FOXP2: variants seen among roughly 807,000 people sequenced by gnomAD.
FOXP2 encodes forkhead box P2.
Under a neutral mutation model 115.8 loss-of-function variants are expected in FOXP2, and 12 were observed. That is an observed-to-expected ratio of 0.10 (90% CI 0.07 to 0.17). The LOEUF is 0.17. Among genes scored for constraint, FOXP2 ranks in the 10% least tolerant of loss-of-function variants. The pLI, the probability that FOXP2 is intolerant of heterozygous loss-of-function variation, is 1.00. For synonymous variants in FOXP2, 328 were observed against 297.7 expected, an observed-to-expected ratio of 1.10 and a Z score of -1.05; for missense variants, 629 against 843.5, an observed-to-expected ratio of 0.75 and a Z score of 3.15.
chr7:114,184,727 C>G (rs1004817079), intron 1 of FOXP2, among the ~76,000 whole-genome samples: 4 of 152,064 alleles, frequency 2.6e-5, no homozygotes, highest in African/African-American at 9.7e-5. Context: ...TATGAGGTCC[C>G]TGACTTTTGG....
intron 2 of FOXP2, among the ~76,000 whole-genome samples, chr7:114,521,339 G>A (rs1047321718): frequency 6.6e-6 from 1 of 151,742 alleles, no homozygotes; most frequent in African/African-American, 2.4e-5. Flanking sequence ...ATGCTTAAAA[G>A]GGAGATTAGA....
At chr7:114,597,273 C>T (rs141055885) in intron 3 of FOXP2, among the ~76,000 whole-genome samples, 2 of 152,148 alleles carry the variant, frequency 1.3e-5, no homozygotes, top group African/African-American at 2.4e-5. Flanking sequence ...ATATCTGTGC[C>T]TGAAACCCTC....
intron 2 of FOXP2, among the ~76,000 whole-genome samples, chr7:114,357,445 G>A (rs1242497448): frequency 6.6e-6 from 1 of 152,148 alleles, no homozygotes; most frequent in Non-Finnish European, 1.5e-5. Flanking sequence ...ATGTCATTGA[G>A]GATCTGTCCA....
At chr7:114,339,118 T>C (rs1167878689) in intron 2 of FOXP2, among the ~76,000 whole-genome samples, 1 of 151,186 alleles carries the variant, frequency 6.6e-6, no homozygotes, top group Admixed American at 6.6e-5. Context: ...GTTGAAATGT[T>C]AATTTTACTA....
chr7:114,396,941 A>G (rs1045086475), intron 2 of FOXP2, among the ~76,000 whole-genome samples: 19 of 152,296 alleles, frequency 1.2e-4, no homozygotes, highest in African/African-American at 3.6e-4. Context: ...CATGTCATAC[A>G]TGGTAAATAT....
chr7:114,318,510 A>G (rs1797330538), intron 2 of FOXP2, among the ~76,000 whole-genome samples: 1 of 151,592 alleles, frequency 6.6e-6, no homozygotes, highest in African/African-American at 2.4e-5. Flanking sequence ...CAAAATCCTC[A>G]CACTAATGTA....
intron 16 of FOXP2, among the ~76,000 whole-genome samples, chr7:114,672,422 T>C (rs566760577): frequency 1.3e-5 from 2 of 152,114 alleles, no homozygotes; most frequent in African/African-American, 2.4e-5. Flanking sequence ...CCGTCTCTAC[T>C]AAAAATACAA....
intron 3 of FOXP2, among the ~76,000 whole-genome samples, chr7:114,586,176 A>C (rs1312685167): frequency 6.6e-6 from 1 of 152,198 alleles, no homozygotes; most frequent in Non-Finnish European, 1.5e-5. Context: ...TAACTCCTGA[A>C]TATCAGATAG....
At chr7:114,090,780 CT>C (rs1799526101) in intron 1 of FOXP2, among the ~76,000 whole-genome samples, 1 of 150,806 alleles carries the variant, frequency 6.6e-6, no homozygotes, top group African/African-American at 2.4e-5. Flanking sequence ...ATTCTATAGT[CT>C]TTATTAAGTA....
At position 114,428,295 on chromosome 7, in the gene FOXP2, G is replaced by A. The variant is rs532827938; in HGVS notation, c.168+1616G>A. 2.6e-5 allele frequency among the ~76,000 whole-genome samples: 4 copies of A among 151,676 alleles called. No individual in the cohort carries two copies. The East Asian group carries it at 5.8e-4, about 22-fold the overall frequency. ...TTTATTTTCATAGCTCCAATTGGAT[G>A]TTAAATAAACAGAAAATGAGTAAAA... On this transcript the variant is annotated intron_variant, in intron 2 of 16. Transcript: ENST00000350908.
chr7:114,131,847 G>A (rs897041547), intron 1 of FOXP2, among the ~76,000 whole-genome samples: 9 of 152,082 alleles, frequency 5.9e-5, no homozygotes, highest in Admixed American at 2.0e-4. Flanking sequence ...GTCTTTTTTT[G>A]TAACTATCTC....
intron 2 of FOXP2, among the ~76,000 whole-genome samples, chr7:114,306,099 A>C (rs1797008256): frequency 6.6e-6 from 1 of 152,166 alleles, no homozygotes; most frequent in South Asian, 2.1e-4. Context: ...GAAATTATGT[A>C]TATTAAAATA....
At chr7:114,483,748 CAT>C (rs1036287421) in intron 2 of FOXP2, among the ~76,000 whole-genome samples, 42 of 151,802 alleles carry the variant, frequency 2.8e-4, no homozygotes, top group African/African-American at 9.6e-4. Context: ...GGGTGCTTAA[CAT>C]GTGTTGTACA....
At chr7:114,686,844 T>C (rs183785063) in intron 16 of FOXP2, among the ~76,000 whole-genome samples, 1 of 152,178 alleles carries the variant, frequency 6.6e-6, no homozygotes, top group Admixed American at 6.5e-5. Context: ...TTTAAGACAT[T>C]TTCTTTTAAT....
chr7:114,626,600 CATCT>C (rs1206164053), intron 3 of FOXP2, among the ~76,000 whole-genome samples: 1 of 151,522 alleles, frequency 6.6e-6, no homozygotes, highest in Non-Finnish European at 1.5e-5. Flanking sequence ...AACTCTATAT[CATCT>C]ATCTATCTAT....
intron 16 of FOXP2, among the ~76,000 whole-genome samples, chr7:114,675,495 A>G (rs1807704951): frequency 6.6e-6 from 1 of 152,172 alleles, no homozygotes; most frequent in African/African-American, 2.4e-5. Context: ...GAAAACAGCA[A>G]TGTGATAGAG....
chr7:114,163,270 T>A (rs1383297006), intron 1 of FOXP2, among the ~76,000 whole-genome samples: 1 of 152,140 alleles, frequency 6.6e-6, no homozygotes, highest in Non-Finnish European at 1.5e-5. Flanking sequence ...TATAAAATGA[T>A]ACCTTACAAT....
intron 2 of FOXP2, among the ~76,000 whole-genome samples, chr7:114,371,922 T>G (rs1792018595): frequency 6.6e-6 from 1 of 152,236 alleles, no homozygotes; most frequent in Non-Finnish European, 1.5e-5. Flanking sequence ...TATTTACTGT[T>G]AACATATTGG....
intron 1 of FOXP2, among the ~76,000 whole-genome samples, chr7:114,421,863 A>T (rs757450804): frequency 6.6e-6 from 1 of 151,744 alleles, no homozygotes; most frequent in Non-Finnish European, 1.5e-5. Context: ...GCCTATGATG[A>T]ATTAATTCCA....
Sources: allele counts gnomAD v4.1 joint callset (sites outside exome capture counted in the v4.1 genomes callset), GRCh38; gene constraint gnomAD v4.1.1; transcripts MANE v1.5; gene names NCBI Gene and HGNC (gene_info 2026-07-23, HGNC 2026-07-21).